Variants in PRP4K observed in about 807,000 individuals in gnomAD.
The protein encoded by PRP4K is pre-mRNA processing factor kinase PRP4K, also known as serine/threonine-protein kinase PRP4 homolog.
At chr6:4,042,507 A>AT in the PRP4K span, 1 of 1,611,310 alleles carries the variant, frequency 6.2e-7, no homozygotes, top group Non-Finnish European at 8.5e-7. Flanking sequence ...TTTGATGTAG[A>AT]GGAAGAAGAT....
At chr6:4,055,047 G>A in the PRP4K span, among the ~76,000 whole-genome samples, 164 of 152,308 alleles carry the variant, frequency 1.1e-3, no homozygotes, top group African/African-American at 3.7e-3. Flanking sequence ...TGACGGAGCT[G>A]ATTTTTGTTA....
chr6:4,043,410 G>A, the PRP4K span, among the ~76,000 whole-genome samples: 1 of 152,110 alleles, frequency 6.6e-6, no homozygotes, highest in Admixed American at 6.5e-5. Context: ...TTGGAACTCA[G>A]AAATTTTTGA....
At chr6:4,035,493 G>A in the PRP4K span, among the ~76,000 whole-genome samples, 2 of 151,796 alleles carry the variant, frequency 1.3e-5, no homozygotes, top group African/African-American at 2.4e-5. Context: ...GTGTATGTGA[G>A]CAGATTAAAT....
chr6:4,061,630 G>T, the PRP4K span: 2 of 152,526 alleles, frequency 1.3e-5, no homozygotes, highest in Non-Finnish European at 2.9e-5. Flanking sequence ...TTCATTATTT[G>T]TGATCATGTT....
At chr6:4,021,848 G>C in the PRP4K span, among the ~76,000 whole-genome samples, 2 of 152,232 alleles carry the variant, frequency 1.3e-5, no homozygotes, top group African/African-American at 2.4e-5. Flanking sequence ...GGGGACACGA[G>C]GGTCAGTGGC....
the PRP4K span, chr6:4,057,021 T>C: frequency 1.3e-6 from 2 of 1,539,262 alleles, no homozygotes; most frequent in Non-Finnish European, 8.8e-7. Flanking sequence ...ATTAAAACTT[T>C]GATTTTGTTT....
At chr6:4,063,954 C>A in the PRP4K span, 1 of 152,032 alleles carries the variant, frequency 6.6e-6, no homozygotes, top group African/African-American at 2.4e-5. Context: ...GTACGGCTCT[C>A]AAAGATGTTA....
At chr6:4,058,308 T>C in the PRP4K span, among the ~76,000 whole-genome samples, 1 of 152,246 alleles carries the variant, frequency 6.6e-6, no homozygotes, top group African/African-American at 2.4e-5. Context: ...TATGTTGGTA[T>C]TAGTTTTAAT....
At chr6:4,042,417 C>A in the PRP4K span, 6 of 1,206,474 alleles carry the variant, frequency 5.0e-6, no homozygotes, top group African/African-American at 1.6e-5. Context: ...CATTTTCCTG[C>A]CTTTAACTTT....
At chr6:4,031,825 T>A in the PRP4K span, 1 of 1,614,050 alleles carries the variant, frequency 6.2e-7, no homozygotes, top group Non-Finnish European at 8.5e-7. Context: ...CTTGATGATT[T>A]AGCTTTGCTA....
At chr6:4,051,389 A>G in the PRP4K span, among the ~76,000 whole-genome samples, 1 of 151,508 alleles carries the variant, frequency 6.6e-6, no homozygotes, top group Non-Finnish European at 1.5e-5. Context: ...TCTCAGCTCA[A>G]CTGCAAACCC....
chr6:4,047,935 C>T, the PRP4K span, among the ~76,000 whole-genome samples: 2 of 146,326 alleles, frequency 1.4e-5, no homozygotes, highest in Admixed American at 6.7e-5. Flanking sequence ...CACACACACA[C>T]ACACACACAC....
At chr6:4,042,912 T>C in the PRP4K span, among the ~76,000 whole-genome samples, 5 of 152,248 alleles carry the variant, frequency 3.3e-5, no homozygotes, top group Non-Finnish European at 7.3e-5. Context: ...ATTATGCATG[T>C]TACTGTGTGA....
the PRP4K span, among the ~76,000 whole-genome samples, chr6:4,027,500 A>G: frequency 6.7e-6 from 1 of 149,978 alleles, no homozygotes; most frequent in Non-Finnish European, 1.5e-5. Context: ...TCCTAAAAAT[A>G]ACATTCTTAT....
At chr6:4,055,375 G>T in the PRP4K span, among the ~76,000 whole-genome samples, 1 of 152,214 alleles carries the variant, frequency 6.6e-6, no homozygotes, top group African/African-American at 2.4e-5. Flanking sequence ...AGTAATCAAT[G>T]TGGGAGTTAA....
the PRP4K span, among the ~76,000 whole-genome samples, chr6:4,044,770 T>C: frequency 6.6e-6 from 1 of 152,124 alleles, no homozygotes; most frequent in Non-Finnish European, 1.5e-5. Flanking sequence ...CCTTTAGTAA[T>C]TATATTGGCC....
the PRP4K span, chr6:4,042,409 T>C: frequency 7.0e-6 from 8 of 1,137,048 alleles, no homozygotes; most frequent in East Asian, 1.2e-4. Flanking sequence ...GATACCTACA[T>C]TTTCCTGCCT....
the PRP4K span, among the ~76,000 whole-genome samples, chr6:4,024,743 C>G: frequency 2.0e-5 from 3 of 152,262 alleles, no homozygotes; most frequent in East Asian, 5.8e-4. Context: ...GCTGGGATTA[C>G]AGGCACGCAC....
the PRP4K span, among the ~76,000 whole-genome samples, chr6:4,041,305 G>C: frequency 6.6e-6 from 1 of 152,180 alleles, no homozygotes; most frequent in African/African-American, 2.4e-5. Context: ...TGCAATTGAG[G>C]CTATTTTGTG....
Sources: gnomAD v4.1 joint callset for allele counts (sites outside exome capture counted in the v4.1 genomes callset) on GRCh38, gnomAD v4.1.1 for gene constraint, MANE v1.5 for transcripts, NCBI Gene and HGNC (gene_info 2026-07-23, HGNC 2026-07-21) for gene names.